The following SRL variants were observed in gnomAD, a reference collection of about 807,000 sequenced individuals.
The protein encoded by SRL is sarcalumenin.
In SRL, 23 loss-of-function variants were observed where a neutral mutation model predicts 39.5. That is an observed-to-expected ratio of 0.58 (90% CI 0.42 to 0.82). The LOEUF is 0.82. SRL is among the 40% of genes least tolerant of loss of function. SRL has a pLI of 0.00. For synonymous variants in SRL, 272 were observed against 237.4 expected, an observed-to-expected ratio of 1.15 and a Z score of -1.34; for missense variants, 592 against 607.8, an observed-to-expected ratio of 0.97 and a Z score of 0.27.
At chr16:4,236,540 C>T (rs1389756191) in intron 1 of SRL, among the ~76,000 whole-genome samples, 2 of 152,148 alleles carry the variant, frequency 1.3e-5, no homozygotes, top group Non-Finnish European at 2.9e-5. Context: ...GAATCTCACT[C>T]CTAAATGCCC....
chr16:4,228,120 C>T (rs1281806009), intron 1 of SRL, among the ~76,000 whole-genome samples: 1 of 152,204 alleles, frequency 6.6e-6, no homozygotes. Flanking sequence ...GACCGGGCCT[C>T]CCTGACCATT....
At chr16:4,208,058 C>A (rs1481780357) in intron 1 of SRL, 1 of 456,040 alleles carries the variant, frequency 2.2e-6, no homozygotes, top group African/African-American at 2.0e-5. Flanking sequence ...GATTCTCCAA[C>A]AAATTGCCAA....
intron 1 of SRL, among the ~76,000 whole-genome samples, chr16:4,230,653 G>T (rs1302819988): frequency 6.6e-6 from 1 of 151,954 alleles, no homozygotes; most frequent in Non-Finnish European, 1.5e-5. Context: ...CTCCCAAAGT[G>T]CTGGGATTAC....
chr16:4,226,473 G>A (rs1020701324), intron 1 of SRL, among the ~76,000 whole-genome samples: 5 of 151,656 alleles, frequency 3.3e-5, no homozygotes, highest in African/African-American at 7.3e-5. Context: ...AAGGATAGAC[G>A]GATGAATGGG....
rs1460912889 is a variant in SRL, at chr16:4,204,630, C to G, written c.66G>C (p.Glu22Asp). The G allele has an allele frequency of 9.3e-6, 15 of 1,614,028 alleles. No individual in the cohort carries two copies. The highest frequency in any genetic ancestry group is 1.1e-5 in the Non-Finnish European group (13 of 1,179,890). ...GGGCTTCTTCATTTGCATCCTCCGTCTCTTCTGTGGAGAGAAGCAGACAGC... is the reference window on the plus strand; with the variant it reads ...GGGCTTCTTCATTTGCATCCTCCGTGTCTTCTGTGGAGAGAAGCAGACAGC... ...ASLLFSGQAE[E>D]TEDANEEAPL... Residue 22 changes from glutamate to aspartate, a missense_variant, in exon 2 of 6, where the codon GAG becomes GAC. Coordinates refer to ENST00000399609, the MANE Select transcript of SRL (RefSeq NM_001098814.2).
chr16:4,194,934 A>AGTG (rs1490197479), intron 5 of SRL, among the ~76,000 whole-genome samples: 12 of 151,552 alleles, frequency 7.9e-5, no homozygotes, highest in Non-Finnish European at 1.5e-4. Flanking sequence ...TTGCTGTGTC[A>AGTG]CTAAGGCTGG....
At chr16:4,230,505 C>G (rs967488417) in intron 1 of SRL, among the ~76,000 whole-genome samples, 1 of 151,866 alleles carries the variant, frequency 6.6e-6, no homozygotes. Context: ...CTCAGCCCCC[C>G]AAGTAGCTGG....
Position 4,204,743 on chromosome 16 carries a change from T to C in SRL, c.62-109A>G. ...GGCCTCAAGCAGGGGCTCAACAGGG[T>C]CTTGCCAAGTTACACTGGACTGAGC... is the stretch of plus-strand genomic sequence containing the variant. On this transcript the variant is annotated intron_variant, in intron 1 of 5. Transcript: ENST00000399609. 4 of 858,786 alleles carry C rather than the reference T, an allele frequency of 4.7e-6. No homozygotes were observed. The South Asian group carries it at 5.7e-5, about 12-fold the overall frequency. 53.2% of individuals were successfully genotyped at this position (858,786 alleles called of 1,614,324 possible).
At chr16:4,219,318 C>A (rs1258400453) in intron 1 of SRL, among the ~76,000 whole-genome samples, 2 of 152,248 alleles carry the variant, frequency 1.3e-5, no homozygotes, top group African/African-American at 2.4e-5. Context: ...TTTGGATGCT[C>A]ACATCCTGCC....
At chr16:4,221,938 A>G (rs944277855) in intron 1 of SRL, among the ~76,000 whole-genome samples, 1 of 152,160 alleles carries the variant, frequency 6.6e-6, no homozygotes, top group East Asian at 1.9e-4. Flanking sequence ...ACACCTTCAT[A>G]TTGGATTTAT....
At position 4,217,488 on chromosome 16, in the gene SRL, G is replaced by A. The variant is rs867029925; in HGVS notation, c.62-12854C>T. Among the ~76,000 whole-genome samples, 4 of 152,302 alleles carry A rather than the reference G, an allele frequency of 2.6e-5. No individual in the cohort carries two copies. In the South Asian group the frequency reaches 6.2e-4, roughly 24 times the overall value. ...GCTGGTCTCAAACTTCTGGGCTCAA[G>A]CGATCCTCCAGCCTTAGCGTCTCAA... On this transcript the variant is annotated intron_variant, in intron 1 of 5. Coordinates refer to ENST00000399609, the MANE Select transcript of SRL (RefSeq NM_001098814.2).
chr16:4,220,570 G>T (rs2052515410), intron 1 of SRL, among the ~76,000 whole-genome samples: 1 of 152,170 alleles, frequency 6.6e-6, no homozygotes, highest in African/African-American at 2.4e-5. Flanking sequence ...GTGAGCTGCA[G>T]GCTCCATCCC....
At chr16:4,224,888 C>T (rs2052570070) in intron 1 of SRL, among the ~76,000 whole-genome samples, 1 of 152,194 alleles carries the variant, frequency 6.6e-6, no homozygotes, top group Non-Finnish European at 1.5e-5. Flanking sequence ...GGTCTATCCA[C>T]ACAATGCAAT....
chr16:4,197,785 A>G lies in SRL; in HGVS notation c.376+14T>C. On this transcript the variant is annotated intron_variant, in intron 4 of 5. Transcript: ENST00000399609. ...ACATTCAAATCCCAACAATCACACA[A>G]GAATATTGATTACCTGTATAGAGCT... 1.3e-6 allele frequency: 2 copies of G among 1,519,570 alleles called. No individual in the cohort carries two copies. The highest frequency in any genetic ancestry group is 1.8e-6 in the Non-Finnish European group (2 of 1,093,916). The allele number at this position is 1,519,570 out of a possible 1,614,324, so 94.1% of individuals were successfully genotyped here. A position where few individuals can be genotyped will look rare whatever the true frequency, so the allele number is the denominator to read the frequency against.
At chr16:4,204,085 G>T (rs149350330) in intron 2 of SRL, among the ~76,000 whole-genome samples, 3 of 152,220 alleles carry the variant, frequency 2.0e-5, no homozygotes, top group Admixed American at 2.0e-4. Context: ...GGAGCAAATC[G>T]CTGCTAGCCT....
At chr16:4,223,744 G>C (rs1167996189) in intron 1 of SRL, among the ~76,000 whole-genome samples, 1 of 152,014 alleles carries the variant, frequency 6.6e-6, no homozygotes, top group Non-Finnish European at 1.5e-5. Flanking sequence ...TAACATCCGA[G>C]AACCACCATC....
At chr16:4,219,263 G>GAA (rs1567184623) in intron 1 of SRL, among the ~76,000 whole-genome samples, 1 of 152,226 alleles carries the variant, frequency 6.6e-6, no homozygotes, top group African/African-American at 2.4e-5. Flanking sequence ...TCCCATAGGG[G>GAA]GCCCAGACAA....
chr16:4,200,326 G>A (rs1385069498), intron 3 of SRL, among the ~76,000 whole-genome samples: 3 of 152,194 alleles, frequency 2.0e-5, no homozygotes, highest in Non-Finnish European at 4.4e-5. Context: ...GCGACACCAA[G>A]GAGAGCCCTA....
At chr16:4,229,134 A>G (rs1226626419) in intron 1 of SRL, among the ~76,000 whole-genome samples, 1 of 152,060 alleles carries the variant, frequency 6.6e-6, no homozygotes, top group Non-Finnish European at 1.5e-5. Context: ...ACACCATGGA[A>G]TACCAACCAG....
Sources: allele counts gnomAD v4.1 joint callset (sites outside exome capture counted in the v4.1 genomes callset), GRCh38; gene constraint gnomAD v4.1.1; transcripts MANE v1.5; gene names NCBI Gene and HGNC (gene_info 2026-07-23, HGNC 2026-07-21).